DGKH: variants seen among roughly 807,000 people sequenced by gnomAD.
DGKH encodes diacylglycerol kinase eta.
Under a neutral mutation model 159.3 loss-of-function variants are expected in DGKH, and 90 were observed. The ratio of observed to expected loss-of-function variants is 0.57; its 90% CI spans 0.48 to 0.67. DGKH has a LOEUF of 0.67. Among genes scored for constraint, DGKH ranks in the 30% least tolerant of loss-of-function variants. The pLI, the probability that DGKH is intolerant of heterozygous loss-of-function variation, is 0.00. For missense variants in DGKH, 1,181 were observed against 1,506.1 expected, an observed-to-expected ratio of 0.78 and a Z score of 3.57; for synonymous variants, 536 against 553.8, an observed-to-expected ratio of 0.97 and a Z score of 0.45.
chr13:42,162,680 TG>T (rs1956215252), intron 7 of DGKH, among the ~76,000 whole-genome samples: 1 of 151,964 alleles, frequency 6.6e-6, no homozygotes, highest in African/African-American at 2.4e-5. Flanking sequence ...GGCAGGTACC[TG>T]TAATCCCAGC....
chr13:42,097,560 G>A (rs964500770), intron 1 of DGKH, among the ~76,000 whole-genome samples: 6 of 152,094 alleles, frequency 3.9e-5, no homozygotes, highest in African/African-American at 1.4e-4. Context: ...CCAGATGCCG[G>A]CAACTGGGAG....
intron 1 of DGKH, among the ~76,000 whole-genome samples, chr13:42,127,061 A>AT (rs1955184854): frequency 1.3e-5 from 2 of 152,222 alleles, no homozygotes; most frequent in African/African-American, 4.8e-5. Context: ...AACTTGCCTG[A>AT]GATCATCCAG....
chr13:42,152,502 CATATAT>C (rs953691137), intron 3 of DGKH, among the ~76,000 whole-genome samples: 1 of 148,660 alleles, frequency 6.7e-6, no homozygotes, highest in South Asian at 2.1e-4. Flanking sequence ...CACACACAAA[CATATAT>C]ATATTATATA....
intron 13 of DGKH, among the ~76,000 whole-genome samples, chr13:42,179,854 G>A (rs1956705085): frequency 6.6e-6 from 1 of 151,506 alleles, no homozygotes; most frequent in African/African-American, 2.4e-5. Flanking sequence ...AAGGTGTTAA[G>A]ATTAAGAATG....
intron 21 of DGKH, among the ~76,000 whole-genome samples, chr13:42,208,576 T>A (rs1190334774): frequency 6.6e-6 from 1 of 152,002 alleles, no homozygotes; most frequent in East Asian, 1.9e-4. Context: ...TATGACACTA[T>A]ATCGCCTTTG....
In DGKH at chr13:42,117,842, A is replaced by G. The variant is rs569801087; in HGVS notation, c.193-9621A>G. Among the ~76,000 whole-genome samples the G allele has an allele frequency of 9.8e-5, 15 of 152,328 alleles. No homozygotes were observed. The East Asian group carries it at 2.9e-3, about 29-fold the overall frequency. ...CAGGATAGACATTTTCTGCCCCTCC[A>G]GAGGTATACCTTTGAGCGTTGTGTC... On this transcript the variant is annotated intron_variant, in intron 1 of 29. Transcript: ENST00000337343.
At chr13:42,087,892 T>G (rs1361446701) in intron 1 of DGKH, among the ~76,000 whole-genome samples, 1 of 151,980 alleles carries the variant, frequency 6.6e-6, no homozygotes, top group East Asian at 1.9e-4. Flanking sequence ...TGATGAAAAT[T>G]ATAAATTCAC....
At chr13:42,064,359 C>A (rs1041523637) in intron 1 of DGKH, among the ~76,000 whole-genome samples, 1 of 152,102 alleles carries the variant, frequency 6.6e-6, no homozygotes, top group African/African-American at 2.4e-5. Context: ...ATTTAGGGCA[C>A]ACCTGAGCCG....
At chr13:42,256,252 A>G (rs1958656595) in intron 30 of DGKH, 1 of 1,579,340 alleles carries the variant, frequency 6.3e-7, no homozygotes, top group Non-Finnish European at 8.7e-7. Context: ...AAAATGTGTT[A>G]CACTCAGCCA....
intron 3 of DGKH, among the ~76,000 whole-genome samples, chr13:42,131,570 G>C (rs1955291586): frequency 6.6e-6 from 1 of 152,324 alleles, no homozygotes; most frequent in East Asian, 1.9e-4. Flanking sequence ...GTTAATAGTG[G>C]CTTCTATAGA....
intron 1 of DGKH, among the ~76,000 whole-genome samples, chr13:42,113,630 C>T (rs546199048): frequency 2.6e-5 from 4 of 152,176 alleles, no homozygotes; most frequent in East Asian, 3.9e-4. Flanking sequence ...GAGGCTGATA[C>T]GAAAGCCAGG....
chr13:42,159,580 G>A (rs57770001), intron 6 of DGKH, among the ~76,000 whole-genome samples: 28 of 152,150 alleles, frequency 1.8e-4, no homozygotes, highest in Non-Finnish European at 2.6e-4. Context: ...ATAGGGCTTA[G>A]AAGTGGCCGT....
intron 3 of DGKH, among the ~76,000 whole-genome samples, chr13:42,151,234 G>A (rs71429406): frequency 0.12 from 18,190 of 151,940 alleles, 1,590 homozygotes; most frequent in East Asian, 0.42. Flanking sequence ...CACCTGAATA[G>A]TGCACATTGT....
At chr13:42,071,088 T>C in intron 1 of DGKH, 3 of 1,098,996 alleles carry the variant, frequency 2.7e-6, no homozygotes, top group South Asian at 3.3e-5. Flanking sequence ...CAAATTTCTC[T>C]GCCACTTTGA....
intron 2 of DGKH, among the ~76,000 whole-genome samples, chr13:42,128,545 C>T (rs1317412312): frequency 6.6e-6 from 1 of 152,124 alleles, no homozygotes; most frequent in Admixed American, 6.5e-5. Context: ...GCTCATGCTA[C>T]CATCACTAGG....
intron 29 of DGKH, among the ~76,000 whole-genome samples, chr13:42,223,651 C>T (rs1236199637): frequency 2.6e-5 from 4 of 151,914 alleles, no homozygotes; most frequent in Non-Finnish European, 4.4e-5. Flanking sequence ...GTTTCAGCTA[C>T]TCAGGAGGCT....
chr13:42,247,030 G>A (rs550174932), downstream of DGKH, among the ~76,000 whole-genome samples: 68 of 152,002 alleles, frequency 4.5e-4, no homozygotes, highest in Admixed American at 2.0e-3. Context: ...ACTTCCTGTC[G>A]CCCAGTTACC....
chr13:42,229,222 T>C lies in DGKH; in HGVS notation c.*34T>C. ...GTGCTATTTCTTGGAAGAGAAGTTA[T>C]TGCCACTTAATACAAAGTCCTTGGA... On this transcript the variant is annotated 3_prime_UTR_variant, in exon 30 of 30. Transcript: ENST00000337343. The C allele has an allele frequency of 1.3e-6, 2 of 1,580,798 alleles. No homozygotes were observed. Among genetic ancestry groups the C allele is most frequent in the African/African-American group, 1.4e-5 (1 of 73,432 alleles).
At position 42,240,708 on chromosome 13, in the gene DGKH, A is replaced by G. The variant is rs1035770932; in HGVS notation, c.*11520A>G. Reference sequence around the variant, plus strand: ...TATAGAATATAAAGACTAAAAATAAAAACTATTACCTCTGGGCCTGTTTTT... The same window carrying G: ...TATAGAATATAAAGACTAAAAATAAGAACTATTACCTCTGGGCCTGTTTTT... On this transcript the variant is annotated 3_prime_UTR_variant, in exon 30 of 30. Coordinates refer to ENST00000337343, the MANE Select transcript of DGKH (RefSeq NM_178009.5). The G allele has an allele frequency of 2.0e-5, 3 of 152,230 alleles. No individual in the cohort carries two copies. Among genetic ancestry groups the G allele is most frequent in the African/African-American group, 7.2e-5 (3 of 41,456 alleles). 9.4% of individuals were successfully genotyped at this position (152,230 alleles called of 1,614,324 possible). A position where few individuals can be genotyped will look rare whatever the true frequency, so the allele number is the denominator to read the frequency against.
Sources: allele counts gnomAD v4.1 joint callset (sites outside exome capture counted in the v4.1 genomes callset), GRCh38; gene constraint gnomAD v4.1.1; transcripts MANE v1.5; gene names NCBI Gene and HGNC (gene_info 2026-07-23, HGNC 2026-07-21).